TNR: variants seen among roughly 807,000 people sequenced by gnomAD.
TNR encodes the protein tenascin R, also known as tenascin-R.
A neutral mutation model predicts 150.4 loss-of-function variants in TNR; 45 were observed. The observed-to-expected ratio is 0.30, with a 90% CI of 0.24 to 0.38. The LOEUF is 0.38. Ranked by LOEUF, TNR falls within the 10% of genes least tolerant of loss-of-function variation. The pLI, the probability that TNR is intolerant of heterozygous loss-of-function variation, is 1.00. For synonymous variants in TNR, 687 were observed against 678.4 expected (o/e 1.01, Z -0.20); for missense variants, 1,544 against 1,759.1 (o/e 0.88, Z 2.19).
At chr1:175,376,521 C>G (rs903858775) in intron 9 of TNR, among the ~76,000 whole-genome samples, 2 of 152,176 alleles carry the variant, frequency 1.3e-5, no homozygotes, top group Non-Finnish European at 2.9e-5. Context: ...GCAGAGCATT[C>G]AGATCAAACT....
chr1:175,694,989 G>T lies in TNR; in HGVS notation c.-165+48237C>A, dbSNP rs73035437. On this transcript the variant is annotated intron_variant, in intron 1 of 22. Coordinates refer to ENST00000367674, the MANE Select transcript of TNR (RefSeq NM_003285.3). ...CTCAACAAAGCTATAACGTCCTCTT[G>T]GCTTTTGTGGTGGTTTTAAAATATG... Among the ~76,000 whole-genome samples, 1,276 of 152,282 alleles carry T rather than the reference G, an allele frequency of 8.4e-3. 14 individuals carry two copies. The highest frequency in any genetic ancestry group is 0.024 in the African/African-American group (993 of 41,546).
intron 1 of TNR, among the ~76,000 whole-genome samples, chr1:175,735,563 C>T (rs1667749597): frequency 6.6e-6 from 1 of 152,228 alleles, no homozygotes; most frequent in Non-Finnish European, 1.5e-5. Flanking sequence ...GCAGCAGCTT[C>T]TGTCCCGATG....
intron 1 of TNR, among the ~76,000 whole-genome samples, chr1:175,727,437 G>A (rs1040829364): frequency 2.0e-5 from 3 of 152,130 alleles, no homozygotes; most frequent in African/African-American, 7.2e-5. Flanking sequence ...AAGCCTGCTT[G>A]GGAGAAGAGA....
chr1:175,534,684 A>C (rs540910201), intron 1 of TNR, among the ~76,000 whole-genome samples: 3 of 152,192 alleles, frequency 2.0e-5, no homozygotes, highest in Non-Finnish European at 4.4e-5. Context: ...CTGGTACTAG[A>C]GGGGCTGCAG....
intron 1 of TNR, among the ~76,000 whole-genome samples, chr1:175,565,053 C>T (rs1253137686): frequency 1.3e-5 from 2 of 152,244 alleles, no homozygotes; most frequent in Non-Finnish European, 2.9e-5. Context: ...AAAAGCTGAG[C>T]TCACTATTCT....
At chr1:175,647,072 C>G (rs924645095) in intron 1 of TNR, among the ~76,000 whole-genome samples, 4 of 152,252 alleles carry the variant, frequency 2.6e-5, no homozygotes, top group African/African-American at 7.2e-5. Context: ...GAGAGCACCA[C>G]AGACAAGCTT....
At chr1:175,537,960 G>A (rs1217512460) in intron 1 of TNR, among the ~76,000 whole-genome samples, 2 of 152,184 alleles carry the variant, frequency 1.3e-5, no homozygotes, top group East Asian at 1.9e-4. Flanking sequence ...AGACATGATT[G>A]CCATTTTGAG....
At chr1:175,359,081 A>T (rs1235563400) in intron 15 of TNR, among the ~76,000 whole-genome samples, 1 of 143,680 alleles carries the variant, frequency 7.0e-6, no homozygotes, top group Non-Finnish European at 1.5e-5. Context: ...TGTACCTTTC[A>T]GATTCAGCTT....
chr1:175,443,590 G>A (rs555048107), intron 2 of TNR, among the ~76,000 whole-genome samples: 3 of 152,216 alleles, frequency 2.0e-5, no homozygotes, highest in South Asian at 4.1e-4. Context: ...AAGGCTCTGG[G>A]GTAGAGGGTG....
At chr1:175,467,758 C>A (rs879456902) in intron 2 of TNR, among the ~76,000 whole-genome samples, 2 of 152,114 alleles carry the variant, frequency 1.3e-5, no homozygotes, top group Non-Finnish European at 2.9e-5. Flanking sequence ...TTCTTCCCAC[C>A]CTCATGAGGC....
At chr1:175,612,370 G>C (rs1663625496) in intron 1 of TNR, among the ~76,000 whole-genome samples, 3 of 152,170 alleles carry the variant, frequency 2.0e-5, no homozygotes, top group Non-Finnish European at 2.9e-5. Context: ...TGCAAAGGCA[G>C]CCCCTTGTCT....
At position 175,669,298 on chromosome 1, in the gene TNR, C is replaced by T. The variant is rs560571893; in HGVS notation, c.-165+73928G>A. ...GAGTAGAAAACATTCCCTGGGAAGG[C>T]CGTTGCCAGGCACAGGGCCAGGCGC... is the stretch of plus-strand genomic sequence containing the variant. On this transcript the variant is annotated intron_variant, in intron 1 of 22. Coordinates refer to ENST00000367674, the MANE Select transcript of TNR (RefSeq NM_003285.3). 7.2e-5 allele frequency among the ~76,000 whole-genome samples: 11 copies of T among 152,340 alleles called. No individual in the cohort carries two copies. The South Asian group carries it at 2.1e-3, about 29-fold the overall frequency.
At chr1:175,466,577 A>G (rs1657044039) in intron 2 of TNR, among the ~76,000 whole-genome samples, 1 of 151,952 alleles carries the variant, frequency 6.6e-6, no homozygotes, top group African/African-American at 2.4e-5. Context: ...CGATGGCCAC[A>G]TTTTTTTCTG....
intron 1 of TNR, among the ~76,000 whole-genome samples, chr1:175,702,826 T>C (rs982917316): frequency 1.3e-5 from 2 of 152,214 alleles, no homozygotes; most frequent in African/African-American, 4.8e-5. Context: ...GATGTAGATA[T>C]CTTTCTGCTC....
rs142365026 is a variant in TNR, at chr1:175,574,288, A to G, written c.-164-45919T>C. Among the ~76,000 whole-genome samples, 1,315 of 152,296 alleles carry G rather than the reference A, an allele frequency of 8.6e-3. 10 individuals are homozygous for G. The highest frequency in any genetic ancestry group is 0.013 in the Non-Finnish European group (908 of 68,022). Reference sequence around the variant, plus strand: ...TCTCCTTTCTCCCCACCCTGGGTGAAATGAAAAGACGTCCTGTCCCCATTG... The same window carrying G: ...TCTCCTTTCTCCCCACCCTGGGTGAGATGAAAAGACGTCCTGTCCCCATTG... On this transcript the variant is annotated intron_variant, in intron 1 of 22. Coordinates refer to ENST00000367674, the MANE Select transcript of TNR (RefSeq NM_003285.3).
intron 9 of TNR, among the ~76,000 whole-genome samples, chr1:175,378,728 C>A (rs770399606): frequency 6.6e-5 from 10 of 152,282 alleles, no homozygotes; most frequent in Non-Finnish European, 1.0e-4. Context: ...GCCCAGAAAA[C>A]ATCAGGGAAC....
intron 2 of TNR, among the ~76,000 whole-genome samples, chr1:175,512,170 G>T (rs550464151): frequency 1.3e-5 from 2 of 152,288 alleles, no homozygotes; most frequent in African/African-American, 2.4e-5. Context: ...ATGTAAAAGG[G>T]CCAGAACTAT....
intron 1 of TNR, among the ~76,000 whole-genome samples, chr1:175,619,794 C>A (rs1204253466): frequency 6.6e-6 from 1 of 152,142 alleles, no homozygotes. Flanking sequence ...TCCTGCTTTT[C>A]CCCAGAGGAA....
At chr1:175,410,787 G>A (rs1338069712) in intron 2 of TNR, among the ~76,000 whole-genome samples, 1 of 152,198 alleles carries the variant, frequency 6.6e-6, no homozygotes, top group Admixed American at 6.5e-5. Flanking sequence ...GCCAGCCTGG[G>A]CCTCTGAGTG....
Sources: allele counts gnomAD v4.1 joint callset (sites outside exome capture counted in the v4.1 genomes callset), GRCh38; gene constraint gnomAD v4.1.1; transcripts MANE v1.5; gene names NCBI Gene and HGNC (gene_info 2026-07-23, HGNC 2026-07-21).